Variants in IQCM observed in about 807,000 individuals in gnomAD.
IQCM encodes IQ motif containing M.
In IQCM, 45 loss-of-function variants were observed where a neutral mutation model predicts 57.6. That is an observed-to-expected ratio of 0.78 (90% CI 0.62 to 1.00). IQCM has a LOEUF of 1.00. IQCM is among the 50% of genes least tolerant of loss of function. The pLI is 0.00. For missense variants in IQCM, 468 were observed against 511.6 expected (o/e 0.91, Z 0.82); for synonymous variants, 148 against 158.9 (o/e 0.93, Z 0.51).
intron 8 of IQCM, among the ~76,000 whole-genome samples, chr4:149,601,807 C>A (rs1476164915): frequency 6.6e-6 from 1 of 151,748 alleles, no homozygotes; most frequent in Non-Finnish European, 1.5e-5. Flanking sequence ...GCCTGTAATC[C>A]CAGCACTTTG....
chr4:149,531,778 C>T (rs1304980802), intron 12 of IQCM, among the ~76,000 whole-genome samples: 3 of 151,856 alleles, frequency 2.0e-5, no homozygotes, highest in African/African-American at 4.8e-5. Context: ...TACTAGTTAC[C>T]ATTCTGTTTT....
intron 12 of IQCM, among the ~76,000 whole-genome samples, chr4:149,522,302 G>C (rs896178801): frequency 1.3e-5 from 2 of 152,076 alleles, no homozygotes; most frequent in African/African-American, 4.8e-5. Flanking sequence ...TGTCTGCCAA[G>C]ATATAAAGGA....
intron 5 of IQCM, among the ~76,000 whole-genome samples, chr4:149,707,899 G>T (rs1050074245): frequency 6.6e-6 from 1 of 151,950 alleles, no homozygotes; most frequent in Non-Finnish European, 1.5e-5. Context: ...TATTTCATAT[G>T]TATTTCATTA....
At chr4:149,793,215 G>C (rs577280247) in intron 2 of IQCM, among the ~76,000 whole-genome samples, 1 of 152,266 alleles carries the variant, frequency 6.6e-6, no homozygotes, top group East Asian at 1.9e-4. Context: ...TTATACCCAA[G>C]ATCTAGAGAA....
intron 7 of IQCM, among the ~76,000 whole-genome samples, chr4:149,677,942 A>G (rs576259674): frequency 6.6e-6 from 1 of 151,924 alleles, no homozygotes; most frequent in Non-Finnish European, 1.5e-5. Context: ...AGAGCAAAGA[A>G]TTAGTGAGCT....
chr4:149,528,471 C>A (rs1334631046), intron 12 of IQCM, among the ~76,000 whole-genome samples: 1 of 152,168 alleles, frequency 6.6e-6, no homozygotes, highest in Admixed American at 6.5e-5. Flanking sequence ...CCATGACTAT[C>A]TCATCAGATA....
chr4:149,706,231 A>T (rs1165833302), intron 5 of IQCM, among the ~76,000 whole-genome samples: 1 of 151,974 alleles, frequency 6.6e-6, no homozygotes, highest in Non-Finnish European at 1.5e-5. Flanking sequence ...GATGGGTTAG[A>T]GCAGCTGATA....
chr4:149,681,778 G>A (rs1478473312), intron 7 of IQCM, among the ~76,000 whole-genome samples: 2 of 151,062 alleles, frequency 1.3e-5, no homozygotes, highest in East Asian at 1.9e-4. Context: ...GGACTTTAAA[G>A]AATCATCTAT....
intron 5 of IQCM, among the ~76,000 whole-genome samples, chr4:149,701,032 C>G (rs572626311): frequency 6.6e-6 from 1 of 152,042 alleles, no homozygotes; most frequent in South Asian, 2.1e-4. Context: ...TAGTCATAAC[C>G]CCAAATCCCT....
intron 5 of IQCM, among the ~76,000 whole-genome samples, chr4:149,694,218 CTTTT>C (rs70965195): frequency 1.1e-5 from 1 of 94,812 alleles, no homozygotes; most frequent in Non-Finnish European, 2.0e-5. Context: ...GGATTAATTT[CTTTT>C]TTTTTTTTTT....
chr4:149,765,175 A>G (rs1034078617), intron 2 of IQCM, among the ~76,000 whole-genome samples: 8 of 152,160 alleles, frequency 5.3e-5, no homozygotes, highest in African/African-American at 1.9e-4. Context: ...CTTATGTACT[A>G]GCTAATGCTG....
At position 149,406,455 on chromosome 4, in the gene IQCM, G is replaced by A. The variant is rs1578952120; in HGVS notation, c.1390+26941C>T. On this transcript the variant is annotated intron_variant, in intron 13 of 13. Coordinates refer to ENST00000636793, the MANE Select transcript of IQCM (RefSeq NM_001363507.2). The stretch of plus-strand genomic sequence containing the variant: ...CATAGAGCGGACATCACATATGAAG[G>A]TCCTGTGGCAAGAGGGAGCATGGGA... Among the ~76,000 whole-genome samples, 7 of 152,190 alleles carry A rather than the reference G, an allele frequency of 4.6e-5. No homozygotes were observed. In the South Asian group the frequency reaches 1.5e-3, roughly 32 times the overall value.
At chr4:149,650,498 T>G (rs2150132970) in intron 7 of IQCM, among the ~76,000 whole-genome samples, 1 of 151,738 alleles carries the variant, frequency 6.6e-6, no homozygotes, top group East Asian at 1.9e-4. Context: ...AATCAAGCGA[T>G]TCTCCTGCCT....
At chr4:149,396,154 CA>C (rs898310161) in intron 13 of IQCM, among the ~76,000 whole-genome samples, 1 of 151,594 alleles carries the variant, frequency 6.6e-6, no homozygotes, top group African/African-American at 2.4e-5. Flanking sequence ...AAAAATACTA[CA>C]AAAAATACCT....
intron 2 of IQCM, among the ~76,000 whole-genome samples, chr4:149,782,649 G>C (rs1443139157): frequency 6.9e-6 from 1 of 145,064 alleles, no homozygotes; most frequent in Non-Finnish European, 1.5e-5. Context: ...AATACAATAA[G>C]ATTCAAAAGA....
chr4:149,449,182 C>A (rs1404261360), intron 12 of IQCM, among the ~76,000 whole-genome samples: 1 of 138,348 alleles, frequency 7.2e-6, no homozygotes, highest in African/African-American at 2.6e-5. Flanking sequence ...CCCCCCAACC[C>A]GCCACCCCCC....
At chr4:149,524,188 C>A (rs112199867) in intron 12 of IQCM, among the ~76,000 whole-genome samples, 2 of 152,212 alleles carry the variant, frequency 1.3e-5, no homozygotes, top group East Asian at 3.9e-4. Flanking sequence ...ATTCCCCTAA[C>A]AAGAAGTTGA....
chr4:149,512,390 TA>T lies in IQCM; in HGVS notation c.1228+36064del, dbSNP rs948874548. Among the ~76,000 whole-genome samples the T allele has an allele frequency of 8.5e-5, 13 of 152,330 alleles. No individual in the cohort carries two copies. In the Middle Eastern group the frequency reaches 0.014, roughly 159 times the overall value. ...GTTCTGCAAATTTTATTTCAAATGC[TA>T]AGCTAAGAAATTTGGTAGTAAAGAT... On this transcript the variant is annotated intron_variant, in intron 12 of 13. Transcript: ENST00000636793.
chr4:149,625,673 G>A (rs548596813), intron 7 of IQCM, among the ~76,000 whole-genome samples: 1 of 152,272 alleles, frequency 6.6e-6, no homozygotes, highest in East Asian at 1.9e-4. Context: ...AGGGAAGGGA[G>A]GAAGTCGAGA....
Sources: gnomAD v4.1 joint callset for allele counts (sites outside exome capture counted in the v4.1 genomes callset) on GRCh38, gnomAD v4.1.1 for gene constraint, MANE v1.5 for transcripts, NCBI Gene and HGNC (gene_info 2026-07-23, HGNC 2026-07-21) for gene names.